Variants in ROBO1 observed in about 807,000 individuals in gnomAD.
ROBO1 encodes roundabout homolog 1.
Under a neutral mutation model 195.9 loss-of-function variants are expected in ROBO1, and 149 were observed. The ratio of observed to expected loss-of-function variants is 0.76; its 90% CI spans 0.67 to 0.87. The LOEUF (loss-of-function observed/expected upper bound fraction) is 0.87, where lower values mean the gene tolerates loss of function less well. ROBO1 is among the 40% of genes least tolerant of loss of function. The probability of loss-of-function intolerance (pLI) is 0.00; values close to 1 mark genes in which losing one functional copy is unlikely to be tolerated. For synonymous variants in ROBO1, 816 were observed against 733.2 expected (o/e 1.11, Z -1.82); for missense variants, 1,933 against 2,068.3 (o/e 0.93, Z 1.27).
At chr3:79,398,631 TG>T (rs1253886831) in intron 2 of ROBO1, among the ~76,000 whole-genome samples, 1 of 152,154 alleles carries the variant, frequency 6.6e-6, no homozygotes, top group Non-Finnish European at 1.5e-5. Context: ...GAATTCTCAG[TG>T]GGACAGTTGG....
At chr3:78,776,175 A>G (rs2083499507) in intron 4 of ROBO1, among the ~76,000 whole-genome samples, 1 of 152,306 alleles carries the variant, frequency 6.6e-6, no homozygotes, top group Middle Eastern at 3.4e-3. Context: ...CTCAATAAGT[A>G]CTGTTCAAAG....
chr3:79,482,019 A>G (rs997768130), intron 2 of ROBO1, among the ~76,000 whole-genome samples: 3 of 152,160 alleles, frequency 2.0e-5, no homozygotes, highest in Non-Finnish European at 2.9e-5. Flanking sequence ...TGTAATCTGT[A>G]TTCCTATAAA....
chr3:79,569,380 A>C (rs1943197759), intron 2 of ROBO1, among the ~76,000 whole-genome samples: 1 of 152,208 alleles, frequency 6.6e-6, no homozygotes, highest in South Asian at 2.1e-4. Flanking sequence ...CACAGGCTAA[A>C]ACTTTAGCTT....
At chr3:79,325,123 GAATCAT>G (rs2034148295) in intron 2 of ROBO1, among the ~76,000 whole-genome samples, 1 of 152,168 alleles carries the variant, frequency 6.6e-6, no homozygotes, top group Non-Finnish European at 1.5e-5. Flanking sequence ...TATAAACACT[GAATCAT>G]AGTTATAAAG....
At chr3:78,758,525 C>CAAAAAAAA (rs5850391) in intron 4 of ROBO1, among the ~76,000 whole-genome samples, 1 of 85,290 alleles carries the variant, frequency 1.2e-5, no homozygotes, top group Non-Finnish European at 2.2e-5. Flanking sequence ...GACCCTATCT[C>CAAAAAAAA]AAAAAAAAAA....
chr3:78,701,675 T>G (rs1452773479), intron 8 of ROBO1, among the ~76,000 whole-genome samples: 1 of 152,210 alleles, frequency 6.6e-6, no homozygotes, highest in Non-Finnish European at 1.5e-5. Flanking sequence ...CTGTGTGAAA[T>G]GACTATTTCA....
At chr3:78,763,270 G>GT (rs1157784668) in intron 4 of ROBO1, among the ~76,000 whole-genome samples, 2 of 151,984 alleles carry the variant, frequency 1.3e-5, no homozygotes, top group South Asian at 2.1e-4. Context: ...TTTCTAGTAG[G>GT]TTTTTTTCTT....
intron 1 of ROBO1, among the ~76,000 whole-genome samples, chr3:79,673,614 A>G (rs1399044118): frequency 6.6e-6 from 1 of 151,972 alleles, no homozygotes; most frequent in Non-Finnish European, 1.5e-5. Flanking sequence ...AAGGGTTGAA[A>G]GGGCTGTGTT....
chr3:78,807,442 T>C (rs1339649670), intron 4 of ROBO1, among the ~76,000 whole-genome samples: 2 of 152,148 alleles, frequency 1.3e-5, no homozygotes, highest in South Asian at 2.1e-4. Flanking sequence ...AAAAATTCCA[T>C]AGGCAAAAGG....
At chr3:78,909,545 T>C (rs2038124852) in intron 4 of ROBO1, among the ~76,000 whole-genome samples, 1 of 151,888 alleles carries the variant, frequency 6.6e-6, no homozygotes, top group African/African-American at 2.4e-5. Context: ...TTTATCTAAC[T>C]ACATTTTTGC....
intron 3 of ROBO1, among the ~76,000 whole-genome samples, chr3:79,057,885 A>T (rs904516139): frequency 6.6e-6 from 1 of 152,046 alleles, no homozygotes; most frequent in Non-Finnish European, 1.5e-5. Flanking sequence ...CTGCTAAACC[A>T]GGAGAAGAAG....
intron 3 of ROBO1, among the ~76,000 whole-genome samples, chr3:79,025,102 C>T (rs953587498): frequency 6.6e-6 from 1 of 152,102 alleles, no homozygotes; most frequent in African/African-American, 2.4e-5. Flanking sequence ...GCTTTTTTCT[C>T]ACTTTGTTCT....
intron 2 of ROBO1, among the ~76,000 whole-genome samples, chr3:79,331,418 T>C (rs371297906): frequency 6.5e-4 from 99 of 152,248 alleles, no homozygotes; most frequent in Non-Finnish European, 1.0e-3. Context: ...AAAACAGTTA[T>C]ATAAGTACAA....
intron 2 of ROBO1, among the ~76,000 whole-genome samples, chr3:79,233,423 A>G (rs2082353714): frequency 6.6e-6 from 1 of 152,158 alleles, no homozygotes; most frequent in African/African-American, 2.4e-5. Flanking sequence ...ATGATTTTTA[A>G]CATTCAGTTA....
Position 79,589,814 on chromosome 3 carries a change from C to T in ROBO1, c.88+10G>A, listed in dbSNP as rs1346642329. On this transcript the variant is annotated intron_variant, in intron 2 of 30. Coordinates refer to ENST00000464233, the MANE Select transcript of ROBO1 (RefSeq NM_002941.4). ...GTTAAGTATTGATGAAACAAATGCA[C>T]AGCACTTACCTGGAATAAGCTGGGC... 6 of 1,604,598 alleles carry T rather than the reference C, an allele frequency of 3.7e-6. No individual in the cohort carries two copies. Among genetic ancestry groups the T allele is most frequent in the Middle Eastern group, 1.7e-4 (1 of 6,040 alleles).
intron 1 of ROBO1, among the ~76,000 whole-genome samples, chr3:79,635,590 C>G (rs1357153541): frequency 6.6e-6 from 1 of 152,008 alleles, no homozygotes; most frequent in East Asian, 1.9e-4. Flanking sequence ...ATTTTTGTTT[C>G]AACTGTCTGT....
intron 8 of ROBO1, among the ~76,000 whole-genome samples, chr3:78,713,096 AG>A (rs951395745): frequency 3.3e-5 from 5 of 152,134 alleles, no homozygotes; most frequent in African/African-American, 9.7e-5. Context: ...TTCTTTTCTT[AG>A]TTTTAGCCTT....
chr3:78,913,157 T>C (rs537691890), intron 4 of ROBO1, among the ~76,000 whole-genome samples: 16 of 152,138 alleles, frequency 1.1e-4, no homozygotes, highest in Non-Finnish European at 1.8e-4. Context: ...ATTTCTACGA[T>C]GGAATAAATG....
At chr3:79,635,029 G>A (rs1027962498) in intron 1 of ROBO1, among the ~76,000 whole-genome samples, 5 of 152,120 alleles carry the variant, frequency 3.3e-5, no homozygotes, top group South Asian at 2.1e-4. Flanking sequence ...ATATAACAAC[G>A]TATAAGATTG....
Sources: gnomAD v4.1 joint callset for allele counts (sites outside exome capture counted in the v4.1 genomes callset) on GRCh38, gnomAD v4.1.1 for gene constraint, MANE v1.5 for transcripts, NCBI Gene and HGNC (gene_info 2026-07-23, HGNC 2026-07-21) for gene names.